Variants in RSU1 observed in about 807,000 individuals in gnomAD.
The protein encoded by RSU1 is rsu-1.
A neutral mutation model predicts 31.1 loss-of-function variants in RSU1; 26 were observed. The ratio of observed to expected loss-of-function variants is 0.84; its 90% CI spans 0.61 to 1.16. The LOEUF (loss-of-function observed/expected upper bound fraction) is 1.16. RSU1 is among the 50% of genes most tolerant of loss of function. The probability of loss-of-function intolerance (pLI) is 0.00; values close to 1 mark genes in which losing one functional copy is unlikely to be tolerated. For missense variants in RSU1, 320 were observed against 339.1 expected (o/e 0.94, Z 0.44); for synonymous variants, 164 against 136.3 (o/e 1.20, Z -1.41).
intron 8 of RSU1, among the ~76,000 whole-genome samples, chr10:16,645,428 A>G (rs1834518687): frequency 6.6e-6 from 1 of 150,966 alleles, no homozygotes; most frequent in Admixed American, 6.6e-5. Context: ...TTTCATTGGA[A>G]AATAAACTTT....
Position 16,695,157 on chromosome 10 carries a change from T to TGGA in RSU1, c.599-3_599-2insTCC. The TGGA allele has an allele frequency of 8.3e-7, 1 of 1,202,572 alleles. No homozygotes were observed. Among genetic ancestry groups the TGGA allele is most frequent in the Non-Finnish European group, 1.1e-6 (1 of 890,704 alleles). The allele number at this position is 1,202,572 out of a possible 1,614,324, so 74.5% of individuals were successfully genotyped here. ...TCTGGCCAGTTAAATCCAAGTTTCC[T>TGGA]GGGGGGGGGGAAAAAAAAAGTGAAG... On this transcript the variant is annotated splice_polypyrimidine_tract_variant and splice_region_variant and intron_variant, in intron 7 of 8. Coordinates refer to ENST00000345264, the MANE Select transcript of RSU1 (RefSeq NM_012425.4).
In RSU1 at chr10:16,817,419, C is replaced by G. The variant is rs1213233617; in HGVS notation, c.-108G>C. 8.1e-6 allele frequency: 2 copies of G among 245,848 alleles called. No homozygotes were observed. Among genetic ancestry groups the G allele is most frequent in the Non-Finnish European group, 1.6e-5 (2 of 123,936 alleles). The allele number at this position is 245,848 out of a possible 1,614,324, so 15.2% of individuals were successfully genotyped here. On this transcript the variant is annotated 5_prime_UTR_variant, in exon 1 of 9. Transcript: ENST00000345264. ...CAACACCGGCACTGAACAGCGAACA[C>G]GCCCTGTCTCGGCGCCCCGCGCAGG... is the stretch of plus-strand genomic sequence containing the variant.
At chr10:16,746,029 G>T (rs1836846000) in intron 7 of RSU1, among the ~76,000 whole-genome samples, 6 of 152,070 alleles carry the variant, frequency 3.9e-5, no homozygotes. Flanking sequence ...ATGTCCACAG[G>T]AAAAGGATTA....
chr10:16,673,145 C>T (rs1490429225), intron 8 of RSU1, among the ~76,000 whole-genome samples: 1 of 152,186 alleles, frequency 6.6e-6, no homozygotes, highest in East Asian at 1.9e-4. Flanking sequence ...AGTCCTTTGA[C>T]CCCATTGAAA....
At position 16,593,332 on chromosome 10, in the gene RSU1, A is replaced by C. The variant is rs1833543817; in HGVS notation, c.*62T>G. 1.9e-6 allele frequency: 3 copies of C among 1,611,886 alleles called. No individual in the cohort carries two copies. The highest frequency in any genetic ancestry group is 1.3e-5 in the African/African-American group (1 of 75,032). On this transcript the variant is annotated 3_prime_UTR_variant, in exon 9 of 9. Coordinates refer to ENST00000345264, the MANE Select transcript of RSU1 (RefSeq NM_012425.4). ...ATTGGGTTTATTTGAGAGACAGGGC[A>C]AGAGAGAATGAAGTGTTGGAGAGAG...
At chr10:16,719,320 A>C (rs1836207968) in intron 7 of RSU1, among the ~76,000 whole-genome samples, 1 of 152,142 alleles carries the variant, frequency 6.6e-6, no homozygotes, top group African/African-American at 2.4e-5. Context: ...AAACAAAAAC[A>C]AACCAGAAAA....
At chr10:16,737,161 A>C (rs947327265) in intron 7 of RSU1, among the ~76,000 whole-genome samples, 2 of 151,968 alleles carry the variant, frequency 1.3e-5, no homozygotes, top group Non-Finnish European at 2.9e-5. Context: ...ATGGGAAATC[A>C]ATCAATCAAT....
intron 8 of RSU1, among the ~76,000 whole-genome samples, chr10:16,597,037 A>G (rs1394463024): frequency 6.6e-6 from 1 of 152,242 alleles, no homozygotes; most frequent in Non-Finnish European, 1.5e-5. Flanking sequence ...GGATTCTAAA[A>G]GTTGACAGAA....
chr10:16,803,409 C>A (rs12569402), intron 2 of RSU1, among the ~76,000 whole-genome samples: 1 of 151,972 alleles, frequency 6.6e-6, no homozygotes, highest in Non-Finnish European at 1.5e-5. Context: ...AGACTCAACA[C>A]TGTTATGATG....
intron 8 of RSU1, among the ~76,000 whole-genome samples, chr10:16,668,408 G>C (rs930932466): frequency 9.2e-5 from 14 of 152,198 alleles, no homozygotes; most frequent in African/African-American, 3.4e-4. Context: ...ACCAGTGGTT[G>C]AGAAGATCCT....
intron 2 of RSU1, among the ~76,000 whole-genome samples, chr10:16,799,320 T>C (rs1466155605): frequency 4.6e-5 from 7 of 152,138 alleles, no homozygotes; most frequent in South Asian, 2.1e-4. Context: ...AACTCTTCCA[T>C]AGATTCATTA....
chr10:16,763,007 AAC>A (rs938864865), intron 4 of RSU1, among the ~76,000 whole-genome samples: 4 of 151,814 alleles, frequency 2.6e-5, no homozygotes, highest in African/African-American at 9.7e-5. Flanking sequence ...AAAAAAAAAA[AAC>A]AAAAACAAAA....
At chr10:16,802,037 ATGAAT>A (rs1838166338) in intron 2 of RSU1, among the ~76,000 whole-genome samples, 1 of 152,048 alleles carries the variant, frequency 6.6e-6, no homozygotes, top group African/African-American at 2.4e-5. Flanking sequence ...AAAAATGAGA[ATGAAT>A]TGAACTACAA....
At position 16,715,696 on chromosome 10, in the gene RSU1, T is replaced by C. The variant is rs184552513; in HGVS notation, c.599-20541A>G. 6.1e-4 allele frequency among the ~76,000 whole-genome samples: 93 copies of C among 152,360 alleles called. 2 individuals are homozygous for C. Among genetic ancestry groups the C allele is most frequent in the African/African-American group, 2.0e-3 (84 of 41,582 alleles). On this transcript the variant is annotated intron_variant, in intron 7 of 8. Transcript: ENST00000345264. Reference sequence around the variant, plus strand: ...GCCTTTAGGCCAGTACCACACTGTTTTGACTACTGGAACTGTAGCAAGTTT... The same window carrying C: ...GCCTTTAGGCCAGTACCACACTGTTCTGACTACTGGAACTGTAGCAAGTTT...
intron 7 of RSU1, among the ~76,000 whole-genome samples, chr10:16,707,624 G>A (rs1835934058): frequency 7.0e-6 from 1 of 142,008 alleles, no homozygotes; most frequent in African/African-American, 2.6e-5. Context: ...TTAACCTCTT[G>A]CCAGATACAT....
chr10:16,679,701 G>A (rs1168245294), intron 8 of RSU1, among the ~76,000 whole-genome samples: 1 of 151,988 alleles, frequency 6.6e-6, no homozygotes. Flanking sequence ...TTGTCTTTCT[G>A]GGTCCATTCC....
At chr10:16,658,013 G>A (rs981929099) in intron 8 of RSU1, among the ~76,000 whole-genome samples, 2 of 152,000 alleles carry the variant, frequency 1.3e-5, no homozygotes, top group African/African-American at 2.4e-5. Context: ...AAAAAATTCT[G>A]TAATCCTGTC....
intron 2 of RSU1, among the ~76,000 whole-genome samples, chr10:16,798,174 G>A (rs1249983578): frequency 6.6e-6 from 1 of 151,936 alleles, no homozygotes; most frequent in African/African-American, 2.4e-5. Context: ...AAGAAATGAA[G>A]CAAGAACAGG....
At chr10:16,798,741 C>A (rs1838090548) in intron 2 of RSU1, among the ~76,000 whole-genome samples, 1 of 152,042 alleles carries the variant, frequency 6.6e-6, no homozygotes, top group African/African-American at 2.4e-5. Context: ...GGGAAATAAT[C>A]AGACCAGAAT....
Sources: allele counts gnomAD v4.1 joint callset (sites outside exome capture counted in the v4.1 genomes callset), GRCh38; gene constraint gnomAD v4.1.1; transcripts MANE v1.5; gene names NCBI Gene and HGNC (gene_info 2026-07-23, HGNC 2026-07-21).